NMNAT3: variants seen among roughly 807,000 people sequenced by gnomAD.
NMNAT3 encodes nicotinamide/nicotinic acid mononucleotide adenylyltransferase 3.
Under a neutral mutation model 24.8 loss-of-function variants are expected in NMNAT3, and 21 were observed. The observed-to-expected ratio is 0.85, with a 90% confidence interval of 0.60 to 1.22. The LOEUF (loss-of-function observed/expected upper bound fraction) is 1.22, where lower values mean the gene tolerates loss of function less well. Among genes scored for constraint, NMNAT3 ranks in the 50% most tolerant of loss-of-function variants. NMNAT3 has a pLI of 0.00. For missense variants in NMNAT3, 387 were observed against 436.6 expected, an observed-to-expected ratio of 0.89 and a Z score of 1.01; for synonymous variants, 136 against 155.2, an observed-to-expected ratio of 0.88 and a Z score of 0.92.
At chr3:139,573,774 C>G (rs1938831815) in intron 5 of NMNAT3, 94 bp from the exon 6 acceptor site, 1 of 634,368 alleles carries the variant, frequency 1.6e-6, no homozygotes, top group Non-Finnish European at 2.7e-6. Context: ...CTGCTTTTAT[C>G]TACTTTAGTT....
chr3:139,606,962 G>A (rs939176475), intron 3 of NMNAT3, among the ~76,000 whole-genome samples: 2 of 151,940 alleles, frequency 1.3e-5, no homozygotes, highest in Admixed American at 1.3e-4. Flanking sequence ...ACTGCAAGAT[G>A]TTCAGGCTTA....
At chr3:139,660,999 G>T (rs982450047) in intron 1 of NMNAT3, among the ~76,000 whole-genome samples, 2 of 152,148 alleles carry the variant, frequency 1.3e-5, no homozygotes, top group African/African-American at 2.4e-5. Context: ...AAACACCATG[G>T]TCCTTTTTTT....
At chr3:139,673,281 G>A (rs1296241863) in intron 1 of NMNAT3, among the ~76,000 whole-genome samples, 1 of 152,152 alleles carries the variant, frequency 6.6e-6, no homozygotes, top group East Asian at 1.9e-4. Flanking sequence ...GCTGAGAACT[G>A]GAGCACCCAA....
intron 5 of NMNAT3, among the ~76,000 whole-genome samples, chr3:139,574,806 A>C (rs1310275215): frequency 6.6e-6 from 1 of 152,178 alleles, no homozygotes; most frequent in Admixed American, 6.5e-5. Flanking sequence ...TGAATGAAAA[A>C]TTGCTTCCAC....
intron 3 of NMNAT3, chr3:139,599,327 C>A (rs2054608762): frequency 1.4e-6 from 1 of 702,432 alleles, no homozygotes; most frequent in Non-Finnish European, 2.6e-6. Context: ...GGGGCTTTTG[C>A]TGGGAGAAGC....
intron 5 of NMNAT3, chr3:139,576,117 C>T: frequency 3.2e-6 from 4 of 1,234,512 alleles, no homozygotes; most frequent in South Asian, 1.4e-5. Flanking sequence ...TACTATGTCA[C>T]TATGATGCAG....
chr3:139,622,387 G>A (rs1189105593), intron 3 of NMNAT3, among the ~76,000 whole-genome samples: 2 of 151,494 alleles, frequency 1.3e-5, no homozygotes, highest in East Asian at 3.9e-4. Flanking sequence ...TTTTTTTTGG[G>A]AAGTGTTCTA....
intron 1 of NMNAT3, among the ~76,000 whole-genome samples, chr3:139,677,136 T>G (rs1433003284): frequency 1.3e-5 from 2 of 152,198 alleles, no homozygotes; most frequent in Non-Finnish European, 2.9e-5. Context: ...AAAGTTTTAG[T>G]TCCAGCAGCC....
At chr3:139,577,110 T>C (rs6439866) in intron 5 of NMNAT3, among the ~76,000 whole-genome samples, 53,751 of 151,284 alleles carry the variant, frequency 0.36, 10,690 homozygotes, top group East Asian at 0.59. Context: ...TGGAGCTTTT[T>C]TTGAGACCCT....
chr3:139,621,563 G>C (rs2055775049), intron 3 of NMNAT3, among the ~76,000 whole-genome samples: 1 of 152,076 alleles, frequency 6.6e-6, no homozygotes, highest in Non-Finnish European at 1.5e-5. Context: ...GTAGAGACAG[G>C]GTTTTGCCAT....
At chr3:139,650,001 G>T (rs946003987) in intron 1 of NMNAT3, among the ~76,000 whole-genome samples, 5 of 152,122 alleles carry the variant, frequency 3.3e-5, no homozygotes, top group Non-Finnish European at 7.4e-5. Flanking sequence ...TGGACAACAA[G>T]AAACCAGGAG....
At chr3:139,672,024 C>T (rs1003676525) in intron 1 of NMNAT3, among the ~76,000 whole-genome samples, 4 of 152,148 alleles carry the variant, frequency 2.6e-5, no homozygotes, top group Admixed American at 6.5e-5. Context: ...GGTTGTAAAC[C>T]TTTCAGCGAG....
intron 3 of NMNAT3, among the ~76,000 whole-genome samples, chr3:139,596,947 T>C (rs1397609656): frequency 7.7e-6 from 1 of 129,356 alleles, no homozygotes; most frequent in Non-Finnish European, 1.6e-5. Flanking sequence ...TATATATATA[T>C]ATATATATAT....
intron 1 of NMNAT3, among the ~76,000 whole-genome samples, chr3:139,677,116 GGAA>G (rs1424068697): frequency 1.3e-5 from 2 of 152,140 alleles, no homozygotes; most frequent in Non-Finnish European, 2.9e-5. Flanking sequence ...TCCCCGCCCG[GGAA>G]TTCTCTAAAG....
chr3:139,582,639 C>CAAA lies in NMNAT3; in HGVS notation c.391+285_391+287dup, dbSNP rs58495559. On this transcript the variant is annotated intron_variant, in intron 4 of 6. Transcript: ENST00000643695. ...CCTGGGCAACAGAGTGGGACTGTCT[C>CAAA]AAAAAAAAAAAAAAAAAAAAAAAAA... 4.7e-3 allele frequency among the ~76,000 whole-genome samples: 270 copies of CAAA among 57,174 alleles called. 2 individuals carry two copies. The highest frequency in any genetic ancestry group is 0.026 in the Middle Eastern group (1 of 38). The allele number at this position is 57,174 out of a possible 152,430, so 37.5% of individuals were successfully genotyped here.
chr3:139,676,597 G>C (rs59197849), intron 1 of NMNAT3, among the ~76,000 whole-genome samples: 1,834 of 152,326 alleles, frequency 0.012, 52 homozygotes, highest in African/African-American at 0.042. Context: ...GGTTGTGCCA[G>C]GGTGGAACTG....
chr3:139,640,127 G>C (rs1381754152), intron 1 of NMNAT3, among the ~76,000 whole-genome samples: 1 of 152,182 alleles, frequency 6.6e-6, no homozygotes, highest in Non-Finnish European at 1.5e-5. Flanking sequence ...TTCTGAAACT[G>C]TGCATGCATA....
At chr3:139,663,923 A>G (rs959569850) in intron 1 of NMNAT3, among the ~76,000 whole-genome samples, 2 of 152,252 alleles carry the variant, frequency 1.3e-5, no homozygotes, top group East Asian at 1.9e-4. Context: ...CTTCACCCCA[A>G]TGCCCTCCAA....
At chr3:139,614,661 G>A (rs2055400771) in intron 3 of NMNAT3, among the ~76,000 whole-genome samples, 1 of 152,216 alleles carries the variant, frequency 6.6e-6, no homozygotes, top group East Asian at 1.9e-4. Flanking sequence ...AGTTGGGGTG[G>A]ACCCTCCTCG....
Sources: allele counts gnomAD v4.1 joint callset (sites outside exome capture counted in the v4.1 genomes callset), GRCh38; gene constraint gnomAD v4.1.1; transcripts MANE v1.5; gene names NCBI Gene and HGNC (gene_info 2026-07-23, HGNC 2026-07-21).